ZDHHC2: variants seen among roughly 807,000 people sequenced by gnomAD.
ZDHHC2 encodes the protein palmitoyltransferase ZDHHC2.
A neutral mutation model predicts 55.6 loss-of-function variants in ZDHHC2; 51 were observed. The observed-to-expected ratio is 0.92, with a 90% CI of 0.73 to 1.16. The LOEUF (loss-of-function observed/expected upper bound fraction) is 1.16. Among genes scored for constraint, ZDHHC2 ranks in the 50% most tolerant of loss-of-function variants. The pLI is 0.00. For missense variants in ZDHHC2, 491 were observed against 442.4 expected (o/e 1.11, Z -0.99); for synonymous variants, 199 against 152.9 (o/e 1.30, Z -2.22).
At chr8:17,182,621 A>G (rs886605279) in intron 1 of ZDHHC2, among the ~76,000 whole-genome samples, 6 of 152,064 alleles carry the variant, frequency 3.9e-5, no homozygotes, top group African/African-American at 1.4e-4. Flanking sequence ...TTTGAATTAC[A>G]TTTAGGGAAA....
chr8:17,165,070 G>C (rs1176236509), intron 1 of ZDHHC2, among the ~76,000 whole-genome samples: 1 of 152,204 alleles, frequency 6.6e-6, no homozygotes, highest in Non-Finnish European at 1.5e-5. Flanking sequence ...TACATAGCAC[G>C]TTGGAAGTAT....
chr8:17,223,855 C>G lies in ZDHHC2; in HGVS notation c.*3634C>G, dbSNP rs779701149. ...TGCAAACCATGCATTTTCCTTTTCT[C>G]TTTTCCATAAGATTTTTTTATTGTA... On this transcript the variant is annotated 3_prime_UTR_variant, in exon 13 of 13. Coordinates refer to ENST00000262096, the MANE Select transcript of ZDHHC2 (RefSeq NM_016353.5). 18 of 151,700 alleles carry G rather than the reference C, an allele frequency of 1.2e-4. No homozygotes were observed. The highest frequency in any genetic ancestry group is 1.8e-4 in the Non-Finnish European group (12 of 67,718). 9.4% of individuals were successfully genotyped at this position (151,700 alleles called of 1,614,324 possible).
At position 17,156,951 on chromosome 8, in the gene ZDHHC2, C is replaced by A. The variant is rs1804088176; in HGVS notation, c.130+98C>A. ...CTCCTCCGCTCTCGCCCCCCGGATG[C>A]GCCCCGGGCGCTGCCAACCTGCCGC... On this transcript the variant is annotated intron_variant, in intron 1 of 12. Transcript: ENST00000262096. The A allele has an allele frequency of 3.4e-6, 4 of 1,182,224 alleles. 1 individual carries two copies. The highest frequency in any genetic ancestry group is 4.4e-6 in the Non-Finnish European group (4 of 905,178). 73.2% of individuals were successfully genotyped at this position (1,182,224 alleles called of 1,614,324 possible). A position where few individuals can be genotyped will look rare whatever the true frequency, so the allele number is the denominator to read the frequency against.
intron 3 of ZDHHC2, among the ~76,000 whole-genome samples, chr8:17,194,502 C>G (rs140024153): frequency 3.3e-5 from 5 of 151,256 alleles, no homozygotes; most frequent in Admixed American, 2.0e-4. Context: ...CCCTTTATTC[C>G]TCAAAACTTA....
intron 1 of ZDHHC2, among the ~76,000 whole-genome samples, chr8:17,165,596 C>A (rs1398919802): frequency 6.6e-6 from 1 of 152,136 alleles, no homozygotes; most frequent in Non-Finnish European, 1.5e-5. Context: ...TCATTGGACA[C>A]CCTTTTAATT....
At chr8:17,156,922 G>A (rs908147951) in intron 1 of ZDHHC2, 69 bp downstream of exon 1, 13 of 1,387,474 alleles carry the variant, frequency 9.4e-6, no homozygotes, top group Middle Eastern at 1.9e-4. Context: ...GGGACGCTCA[G>A]CCGCTCCTCC....
intron 1 of ZDHHC2, among the ~76,000 whole-genome samples, chr8:17,179,811 C>T (rs905782047): frequency 6.6e-6 from 1 of 152,212 alleles, no homozygotes; most frequent in South Asian, 2.1e-4. Context: ...TCCTATATAC[C>T]GTCAGGGCCA....
At chr8:17,212,291 A>C (rs1807424835) in intron 10 of ZDHHC2, among the ~76,000 whole-genome samples, 1 of 152,094 alleles carries the variant, frequency 6.6e-6, no homozygotes, top group South Asian at 2.1e-4. Flanking sequence ...CCACTTGGAC[A>C]CCTAAAAATC....
At chr8:17,175,709 C>T (rs1224555488) in intron 1 of ZDHHC2, among the ~76,000 whole-genome samples, 1 of 149,848 alleles carries the variant, frequency 6.7e-6, no homozygotes, top group Non-Finnish European at 1.5e-5. Context: ...CGTAAAACAT[C>T]ACACAGGATT....
rs957969609 is a variant in ZDHHC2, at chr8:17,156,849, C to G, written c.126C>G (p.Cys42Trp). 1 of 1,500,818 alleles carries G rather than the reference C, an allele frequency of 6.7e-7. No homozygotes were observed. Among genetic ancestry groups the G allele is most frequent in the Non-Finnish European group, 8.9e-7 (1 of 1,123,686 alleles). The allele number at this position is 1,500,818 out of a possible 1,614,324, so 93.0% of individuals were successfully genotyped here. Residue 42 changes from cysteine to tryptophan, a missense_variant, in exon 1 of 13, where the codon TGC (cysteine) becomes TGG (tryptophan). Transcript: ENST00000262096. The stretch of plus-strand genomic sequence containing the variant: ...ACTACGCCTACGCCATCCAGCTGTG[C>G]ATAGGTGAGTGCGCCCCCCGCCGCG... ...WSYYAYAIQL[C>W]IVSMENTGEQ...
intron 3 of ZDHHC2, among the ~76,000 whole-genome samples, chr8:17,191,720 T>C (rs1806039184): frequency 6.6e-6 from 1 of 152,224 alleles, no homozygotes; most frequent in African/African-American, 2.4e-5. Flanking sequence ...ATTCATCCAT[T>C]GATGGACACT....
At chr8:17,186,049 G>A (rs2150907931) in intron 2 of ZDHHC2, among the ~76,000 whole-genome samples, 1 of 152,248 alleles carries the variant, frequency 6.6e-6, no homozygotes, top group East Asian at 1.9e-4. Context: ...TTTAGAAAAG[G>A]TCCTTGTTAG....
At chr8:17,165,449 T>G (rs1804556711) in intron 1 of ZDHHC2, among the ~76,000 whole-genome samples, 1 of 152,184 alleles carries the variant, frequency 6.6e-6, no homozygotes, top group Non-Finnish European at 1.5e-5. Context: ...GACTAATACC[T>G]GCTGAAAATT....
rs751890279 is a variant in ZDHHC2, at chr8:17,195,565, A to G, written c.314A>G (p.Gln105Arg). 2.5e-6 allele frequency: 4 copies of G among 1,613,854 alleles called. No individual in the cohort carries two copies. The highest frequency in any genetic ancestry group is 3.4e-6 in the Non-Finnish European group (4 of 1,179,860). ...AGAGAGCCAAGAGGAGAAGCCCATC[A>G]GGAAGTTCTTAGGCGAGCAGCCAAG... Reference protein sequence around the residue: ...LEREPRGEAHQEVLRRAAKDL... With the variant: ...LEREPRGEAHREVLRRAAKDL... The change falls in exon 4 of 13, where the codon CAG becomes CGG. Residue 105 changes from glutamine to arginine, a missense_variant. Coordinates refer to ENST00000262096, the MANE Select transcript of ZDHHC2 (RefSeq NM_016353.5).
At chr8:17,194,119 A>G (rs921424114) in intron 3 of ZDHHC2, among the ~76,000 whole-genome samples, 1 of 152,160 alleles carries the variant, frequency 6.6e-6, no homozygotes, top group Non-Finnish European at 1.5e-5. Flanking sequence ...ATGGCTTCAT[A>G]GTATTCCGTG....
At chr8:17,190,775 A>G (rs1292585710) in intron 3 of ZDHHC2, among the ~76,000 whole-genome samples, 2 of 152,056 alleles carry the variant, frequency 1.3e-5, no homozygotes, top group South Asian at 2.1e-4. Flanking sequence ...ATTTTGATAC[A>G]GGCATGCAAT....
chr8:17,217,952 T>C lies in ZDHHC2; in HGVS notation c.*34+706T>C, dbSNP rs151251650. 3.8e-4 allele frequency among the ~76,000 whole-genome samples: 58 copies of C among 152,328 alleles called. 1 individual carries two copies. The highest frequency in any genetic ancestry group is 1.4e-3 in the African/African-American group (57 of 41,580). ...TATTAAAGATAGCAAGATAACTCTCTCTTTACATAACGGCAATCTAGAATC... is the reference window on the plus strand; with the variant it reads ...TATTAAAGATAGCAAGATAACTCTCCCTTTACATAACGGCAATCTAGAATC... On this transcript the variant is annotated intron_variant, in intron 12 of 12. Transcript: ENST00000262096.
intron 1 of ZDHHC2, among the ~76,000 whole-genome samples, chr8:17,163,798 G>C (rs1421030932): frequency 1.3e-5 from 2 of 152,110 alleles, no homozygotes; most frequent in Non-Finnish European, 2.9e-5. Context: ...ATATTCTAAA[G>C]ATGATTAGAA....
intron 7 of ZDHHC2, among the ~76,000 whole-genome samples, chr8:17,207,502 A>G (rs1219049672): frequency 3.3e-5 from 5 of 152,194 alleles, no homozygotes; most frequent in Non-Finnish European, 7.3e-5. Context: ...GTTTGTAGTA[A>G]CATAAAACAT....
Sources: allele counts gnomAD v4.1 joint callset (sites outside exome capture counted in the v4.1 genomes callset), GRCh38; gene constraint gnomAD v4.1.1; transcripts MANE v1.5; gene names NCBI Gene and HGNC (gene_info 2026-07-23, HGNC 2026-07-21).